ARHGEF18: variants seen among roughly 807,000 people sequenced by gnomAD.
The protein encoded by ARHGEF18 is rho guanine nucleotide exchange factor 18.
ARHGEF18 carries 93 observed loss-of-function variants against 155.7 expected under a neutral mutation model. The observed-to-expected ratio is 0.60, with a 90% confidence interval of 0.50 to 0.71. ARHGEF18 has a LOEUF of 0.71. ARHGEF18 is among the 30% of genes least tolerant of loss of function. The probability of loss-of-function intolerance (pLI) is 0.00; values close to 1 mark genes in which losing one functional copy is unlikely to be tolerated. For synonymous variants in ARHGEF18, 742 were observed against 753.1 expected, an observed-to-expected ratio of 0.99 and a Z score of 0.24; for missense variants, 1,593 against 1,816.1, an observed-to-expected ratio of 0.88 and a Z score of 2.23.
intron 7 of ARHGEF18, among the ~76,000 whole-genome samples, chr19:7,380,236 T>C (rs1970660530): frequency 6.6e-6 from 1 of 151,712 alleles, no homozygotes; most frequent in Non-Finnish European, 1.5e-5. Context: ...CCCAGCACTT[T>C]GGGAGGCCAA....
intron 3 of ARHGEF18, 88 bp downstream of exon 3, chr19:7,373,159 G>T: frequency 8.1e-7 from 1 of 1,229,676 alleles, no homozygotes; most frequent in Non-Finnish European, 1.0e-6. Context: ...CCTAAGACAA[G>T]CCACCCCTTG....
intron 5 of ARHGEF18, 98 bp from the exon 6 acceptor site, chr19:7,378,296 G>T (rs994935970): frequency 1.1e-6 from 1 of 909,102 alleles, no homozygotes; most frequent in Middle Eastern, 2.5e-4. Flanking sequence ...CTCCAGTTCT[G>T]CAGGGGCCCA....
rs374576478 is a variant in ARHGEF18 at position 7,446,552 on chromosome 19, C to A, written c.1612-491C>A. On this transcript the variant is annotated intron_variant, in intron 14 of 28. Coordinates refer to ENST00000668164, the MANE Select transcript of ARHGEF18 (RefSeq NM_001367823.1). The stretch of plus-strand genomic sequence containing the variant: ...GGTCAAGAGTTCGAGACCAGCCTGA[C>A]CAACATGGTGAAACCTGGTCTCTAC... 2.6e-5 allele frequency among the ~76,000 whole-genome samples: 4 copies of A among 151,848 alleles called. No individual in the cohort carries two copies. In the East Asian group the frequency reaches 7.8e-4, roughly 29 times the overall value.
intron 20 of ARHGEF18, among the ~76,000 whole-genome samples, chr19:7,460,719 C>G (rs1976177213): frequency 1.3e-5 from 2 of 152,112 alleles, no homozygotes; most frequent in Non-Finnish European, 1.5e-5. Context: ...TTGTCAAGAA[C>G]AATTCCTGGT....
chr19:7,478,604 C>T, the ARHGEF18 span, among the ~76,000 whole-genome samples: 3 of 152,130 alleles, frequency 2.0e-5, no homozygotes, highest in South Asian at 2.1e-4. Flanking sequence ...GCACTTCTGA[C>T]GTGGCCATCC....
intron 13 of ARHGEF18, among the ~76,000 whole-genome samples, chr19:7,443,716 A>C (rs977088038): frequency 6.9e-6 from 1 of 145,216 alleles, no homozygotes; most frequent in Admixed American, 7.0e-5. Flanking sequence ...CAGCCACAGG[A>C]GTGTTCCTCA....
intron 20 of ARHGEF18, among the ~76,000 whole-genome samples, chr19:7,460,743 C>T (rs898898387): frequency 6.6e-6 from 1 of 151,872 alleles, no homozygotes; most frequent in South Asian, 2.1e-4. Context: ...CTGTAGCCTG[C>T]GGCAAGCTCC....
chr19:7,478,308 T>C, the ARHGEF18 span: 1 of 1,610,374 alleles, frequency 6.2e-7, no homozygotes, highest in East Asian at 2.2e-5. Flanking sequence ...GATCACGGGC[T>C]CCTACCTGGT....
rs540906187 is a variant in ARHGEF18, at chr19:7,419,045, C to T, written c.968-21299C>T. The stretch of plus-strand genomic sequence containing the variant: ...TCTGTACCCCAGATGTACCCACACT[C>T]GGCCTCTGTACCCCAGATGTACCCA... On this transcript the variant is annotated intron_variant, in intron 10 of 28. Transcript: ENST00000668164. Among the ~76,000 whole-genome samples the T allele has an allele frequency of 3.5e-5, 5 of 144,254 alleles. No individual in the cohort carries two copies. The East Asian group carries it at 8.7e-4, about 25-fold the overall frequency. 94.6% of individuals were successfully genotyped at this position (144,254 alleles called of 152,430 possible).
chr19:7,459,882 A>C (rs1600522432), intron 19 of ARHGEF18, 21 bp from the exon 20 acceptor site: 1 of 1,552,922 alleles, frequency 6.4e-7, no homozygotes, highest in South Asian at 1.2e-5. Flanking sequence ...ACAGTTACCC[A>C]CCCGACTCCT....
At chr19:7,371,383 A>G (rs1485204608) in intron 2 of ARHGEF18, among the ~76,000 whole-genome samples, 1 of 152,142 alleles carries the variant, frequency 6.6e-6, no homozygotes, top group Admixed American at 6.6e-5. Flanking sequence ...TGGACACTGA[A>G]AAATGGTTAA....
At position 7,463,994 on chromosome 19, in the gene ARHGEF18, GC is replaced by G; in HGVS notation, c.2773+43del. 3 of 1,535,588 alleles carry G rather than the reference GC, an allele frequency of 2.0e-6. No individual in the cohort carries two copies. Among genetic ancestry groups the G allele is most frequent in the East Asian group, 2.4e-5 (1 of 42,122 alleles). ...CGTCTCCCCTCCTGCCTCCAGGGCC[GC>G]CCCTCAGGATGCACATTAACTTGTA... On this transcript the variant is annotated intron_variant, in intron 22 of 28. Transcript: ENST00000668164. The surrounding 1 kb of genome is among the most constrained non-coding windows in gnomAD (Gnocchi z 5.2).
chr19:7,458,937 T>C (rs1976021351), intron 19 of ARHGEF18, among the ~76,000 whole-genome samples: 1 of 152,248 alleles, frequency 6.6e-6, no homozygotes, highest in Admixed American at 6.5e-5. Context: ...TGGCGGGCTC[T>C]CTGCATTCTA....
At chr19:7,399,797 A>T (rs1971936574) in intron 10 of ARHGEF18, among the ~76,000 whole-genome samples, 2 of 144,810 alleles carry the variant, frequency 1.4e-5, no homozygotes, top group South Asian at 4.3e-4. Flanking sequence ...TTTGAGACAG[A>T]GTTTCGCTCT....
intron 23 of ARHGEF18, among the ~76,000 whole-genome samples, chr19:7,465,170 G>A (rs954057927): frequency 1.3e-5 from 2 of 152,148 alleles, no homozygotes; most frequent in African/African-American, 2.4e-5. Context: ...GAGCTGGCAC[G>A]CAGGCCTCAT....
At chr19:7,353,184 C>G (rs537650697) in intron 1 of ARHGEF18, among the ~76,000 whole-genome samples, 1 of 151,912 alleles carries the variant, frequency 6.6e-6, no homozygotes, top group East Asian at 1.9e-4. Context: ...ACTCTGACTG[C>G]CAATGCCTTC....
intron 2 of ARHGEF18, among the ~76,000 whole-genome samples, chr19:7,369,417 G>C (rs9749086): frequency 0.21 from 31,461 of 149,806 alleles, 3,921 homozygotes; most frequent in Non-Finnish European, 0.28. Context: ...GCTGAGATCG[G>C]GCCATTGCAC....
intron 10 of ARHGEF18, among the ~76,000 whole-genome samples, chr19:7,416,828 C>T (rs1027972775): frequency 6.6e-6 from 1 of 151,786 alleles, no homozygotes; most frequent in African/African-American, 2.4e-5. Context: ...TGGTCTCGAT[C>T]TCCTGACCTC....
intron 2 of ARHGEF18, among the ~76,000 whole-genome samples, chr19:7,366,976 G>A (rs532371161): frequency 6.6e-6 from 1 of 151,736 alleles, no homozygotes; most frequent in South Asian, 2.1e-4. Flanking sequence ...TGCCCGGGCT[G>A]GTCTCAAACC....
Sources: allele counts gnomAD v4.1 joint callset (sites outside exome capture counted in the v4.1 genomes callset), GRCh38; gene constraint gnomAD v4.1.1; non-coding constraint Gnocchi (gnomAD v3.1); transcripts MANE v1.5; gene names NCBI Gene and HGNC (gene_info 2026-07-23, HGNC 2026-07-21).